HDAC9: variants seen among roughly 807,000 people sequenced by gnomAD.
HDAC9 encodes histone deacetylase 9.
A neutral mutation model predicts 139.4 loss-of-function variants in HDAC9; 41 were observed. That is an observed-to-expected ratio of 0.29 (90% CI 0.23 to 0.38). The LOEUF (loss-of-function observed/expected upper bound fraction) is 0.38. HDAC9 is among the 10% of genes least tolerant of loss of function. The probability of loss-of-function intolerance (pLI) is 1.00; values close to 1 mark genes in which losing one functional copy is unlikely to be tolerated. For synonymous variants in HDAC9, 517 were observed against 476.2 expected (o/e 1.09, Z -1.12); for missense variants, 1,147 against 1,297.0 (o/e 0.88, Z 1.78).
intron 12 of HDAC9, 38 bp downstream of exon 12, chr7:18,666,514 A>C: frequency 6.3e-7 from 1 of 1,591,106 alleles, no homozygotes; most frequent in Non-Finnish European, 8.6e-7. Flanking sequence ...TTTGTAATTA[A>C]AGTCATTATC....
At chr7:18,465,130 A>G (rs968894917) in intron 1 of HDAC9, among the ~76,000 whole-genome samples, 34 of 152,136 alleles carry the variant, frequency 2.2e-4, no homozygotes, top group African/African-American at 7.2e-4. Flanking sequence ...CTGATACGCC[A>G]TTATATGAAG....
At chr7:18,530,116 C>A (rs545595722) in intron 2 of HDAC9, among the ~76,000 whole-genome samples, 2 of 151,278 alleles carry the variant, frequency 1.3e-5, no homozygotes, top group African/African-American at 4.9e-5. Flanking sequence ...CCAGTCTCTA[C>A]GTAAATAGAA....
intron 8 of HDAC9, among the ~76,000 whole-genome samples, chr7:18,642,349 C>T (rs557443301): frequency 6.6e-6 from 1 of 152,086 alleles, no homozygotes; most frequent in East Asian, 1.9e-4. Context: ...TCCAAAGCCA[C>T]CACCATTCTC....
At chr7:18,521,277 T>A (rs1804938905) in intron 2 of HDAC9, among the ~76,000 whole-genome samples, 1 of 152,198 alleles carries the variant, frequency 6.6e-6, no homozygotes, top group African/African-American at 2.4e-5. Flanking sequence ...TGTAATTTCC[T>A]TTTGGAAACA....
At chr7:18,685,267 T>C (rs1584837604) in intron 12 of HDAC9, among the ~76,000 whole-genome samples, 1 of 152,054 alleles carries the variant, frequency 6.6e-6, no homozygotes, top group African/African-American at 2.4e-5. Flanking sequence ...TTGTGTGTTC[T>C]AACTATATCA....
At chr7:18,688,009 A>T (rs1782398681) in intron 12 of HDAC9, among the ~76,000 whole-genome samples, 1 of 151,858 alleles carries the variant, frequency 6.6e-6, no homozygotes, top group East Asian at 1.9e-4. Context: ...TTATAAGCTA[A>T]CTGAAAACAT....
At chr7:18,303,309 C>T (rs1198039542) in intron 1 of HDAC9, among the ~76,000 whole-genome samples, 1 of 151,796 alleles carries the variant, frequency 6.6e-6, no homozygotes, top group Non-Finnish European at 1.5e-5. Flanking sequence ...GCTCCGCCTC[C>T]CGGGTTCCTG....
chr7:18,980,544 A>C (rs1354696957), intron 25 of HDAC9, among the ~76,000 whole-genome samples: 1 of 152,200 alleles, frequency 6.6e-6, no homozygotes, highest in East Asian at 1.9e-4. Context: ...ACAACACATC[A>C]CAAGAACTTA....
At chr7:18,851,259 A>G (rs896252001) in intron 21 of HDAC9, 4 of 152,104 alleles carry the variant, frequency 2.6e-5, no homozygotes, top group African/African-American at 7.2e-5. Flanking sequence ...TGTAATCCCC[A>G]TGTGTCGAGG....
intron 2 of HDAC9, among the ~76,000 whole-genome samples, chr7:18,272,961 A>T (rs1204882494): frequency 9.6e-6 from 1 of 104,102 alleles, no homozygotes; most frequent in African/African-American, 3.4e-5. Context: ...TACTACTACT[A>T]CTACTATTTC....
intron 1 of HDAC9, among the ~76,000 whole-genome samples, chr7:18,424,280 A>C (rs963696723): frequency 1.3e-5 from 2 of 152,228 alleles, no homozygotes; most frequent in Non-Finnish European, 2.9e-5. Context: ...ATTTAGGTTC[A>C]AATACCAATC....
intron 2 of HDAC9, among the ~76,000 whole-genome samples, chr7:18,539,318 A>G (rs917923312): frequency 2.6e-5 from 4 of 152,168 alleles, no homozygotes; most frequent in African/African-American, 9.7e-5. Context: ...ATTCAAATTC[A>G]GGAATATTCT....
chr7:18,743,736 TA>T (rs139687717), intron 13 of HDAC9, among the ~76,000 whole-genome samples: 6,638 of 151,640 alleles, frequency 0.044, 315 homozygotes, highest in East Asian at 0.1. Flanking sequence ...AAAAATAAAT[TA>T]AAAAAATAAG....
chr7:18,866,058 G>A (rs749264382), intron 21 of HDAC9, among the ~76,000 whole-genome samples: 1 of 148,688 alleles, frequency 6.7e-6, no homozygotes. Context: ...CTCTTGTTCA[G>A]AATGAAATCC....
chr7:18,966,808 A>G (rs947296160), intron 24 of HDAC9, among the ~76,000 whole-genome samples: 6 of 152,218 alleles, frequency 3.9e-5, no homozygotes, highest in African/African-American at 9.6e-5. Flanking sequence ...CCAGCCTTCC[A>G]TACAGCATTT....
intron 2 of HDAC9, among the ~76,000 whole-genome samples, chr7:18,522,284 A>G (rs1000197143): frequency 1.3e-5 from 2 of 152,180 alleles, no homozygotes; most frequent in Non-Finnish European, 2.9e-5. Context: ...CTAAACCAAA[A>G]GATACCTGAT....
chr7:18,411,159 T>C (rs952281535), intron 1 of HDAC9, among the ~76,000 whole-genome samples: 3 of 152,160 alleles, frequency 2.0e-5, no homozygotes, highest in Non-Finnish European at 4.4e-5. Flanking sequence ...GTGGGTATCT[T>C]ACCTTAGGGA....
intron 2 of HDAC9, among the ~76,000 whole-genome samples, chr7:18,167,781 G>C (rs937764207): frequency 1.3e-5 from 2 of 152,142 alleles, no homozygotes; most frequent in African/African-American, 4.8e-5. Context: ...AAGGAGGCTG[G>C]GAAAAGTAGT....
chr7:18,801,951 C>G (rs1019682792), intron 17 of HDAC9, among the ~76,000 whole-genome samples: 2 of 151,838 alleles, frequency 1.3e-5, no homozygotes, highest in Non-Finnish European at 2.9e-5. Context: ...TATTTTTCCT[C>G]TTTTTCTTGA....
Sources: gnomAD v4.1 joint callset for allele counts (sites outside exome capture counted in the v4.1 genomes callset) on GRCh38, gnomAD v4.1.1 for gene constraint, MANE v1.5 for transcripts, NCBI Gene and HGNC (gene_info 2026-07-23, HGNC 2026-07-21) for gene names.